Variants in GRB2 observed in about 807,000 individuals in gnomAD.
GRB2 encodes the protein growth factor receptor bound protein 2.
In GRB2, 2 loss-of-function variants were observed where a neutral mutation model predicts 27.4. The observed-to-expected ratio is 0.07, with a 90% CI of 0.03 to 0.23. The LOEUF is 0.23. Ranked by LOEUF, GRB2 falls within the 10% of genes least tolerant of loss-of-function variation. The pLI, the probability that GRB2 is intolerant of heterozygous loss-of-function variation, is 1.00. For synonymous variants in GRB2, 94 were observed against 99.6 expected (o/e 0.94, Z 0.33); for missense variants, 102 against 282.4 (o/e 0.36, Z 4.58).
At position 75,384,926 on chromosome 17, in the gene GRB2, G is replaced by A. The variant is rs890687818; in HGVS notation, c.78+8625C>T. ...GGCTTTATTTACAGAGGCCGGGCGC[G>A]GTAGCTCATGTCGGTAATCCCAGCA... On this transcript the variant is annotated intron_variant, in intron 2 of 5. Coordinates refer to ENST00000316804, the MANE Select transcript of GRB2 (RefSeq NM_002086.5). 5.3e-5 allele frequency among the ~76,000 whole-genome samples: 8 copies of A among 150,390 alleles called. No homozygotes were observed. In the East Asian group the frequency reaches 7.8e-4, roughly 15 times the overall value.
Position 75,320,234 on chromosome 17 carries a change from G to T in GRB2, c.*134C>A. 1.4e-6 allele frequency: 1 copy of T among 698,714 alleles called. No individual in the cohort carries two copies. The highest frequency in any genetic ancestry group is 2.4e-6 in the Non-Finnish European group (1 of 412,308). The allele number at this position is 698,714 out of a possible 1,614,324, so 43.3% of individuals were successfully genotyped here. On this transcript the variant is annotated 3_prime_UTR_variant, in exon 6 of 6. Transcript: ENST00000316804. This position sits in a 1 kb window ranked among gnomAD's most constrained non-coding sequence, Gnocchi z 4.3. ...CACCCCCTAAAGTTCCAACCAAAGT[G>T]AGAGGGTCACAGGGTGACCCGGCCA...
At chr17:75,359,523 A>AAT (rs1478209311) in intron 2 of GRB2, among the ~76,000 whole-genome samples, 151 of 83,272 alleles carry the variant, frequency 1.8e-3, no homozygotes, top group African/African-American at 5.2e-3. Flanking sequence ...TAATAATAAT[A>AAT]AATAATAATA....
intron 2 of GRB2, among the ~76,000 whole-genome samples, chr17:75,368,874 C>T (rs1375462036): frequency 1.3e-5 from 2 of 152,156 alleles, no homozygotes; most frequent in African/African-American, 4.8e-5. Context: ...TTTCCACTAA[C>T]ATACTCCATC....
At chr17:75,354,515 C>T (rs190457594) in intron 2 of GRB2, among the ~76,000 whole-genome samples, 20 of 152,230 alleles carry the variant, frequency 1.3e-4, no homozygotes, top group East Asian at 9.7e-4. Flanking sequence ...ACTGCTCACG[C>T]GAGGGATCTA....
chr17:75,361,667 G>T (rs142520669), intron 2 of GRB2, among the ~76,000 whole-genome samples: 1 of 152,130 alleles, frequency 6.6e-6, no homozygotes, highest in South Asian at 2.1e-4. Context: ...GGGAGACGGT[G>T]ATGCATGCAG....
At chr17:75,404,943 CA>C (rs2079089175) in intron 1 of GRB2, 1 of 141,166 alleles carries the variant, frequency 7.1e-6, no homozygotes, top group Non-Finnish European at 1.6e-5. Context: ...TTTTTCTTGA[CA>C]AATATTTTTC....
intron 2 of GRB2, among the ~76,000 whole-genome samples, chr17:75,349,508 C>CAT (rs2078675598): frequency 8.6e-6 from 1 of 115,910 alleles, no homozygotes; most frequent in Non-Finnish European, 1.7e-5. Flanking sequence ...ATAACTCAGA[C>CAT]TTTTTTTTTT....
At chr17:75,328,940 A>AAAT (rs1567857331) in intron 3 of GRB2, among the ~76,000 whole-genome samples, 70 of 147,124 alleles carry the variant, frequency 4.8e-4, no homozygotes, top group Non-Finnish European at 7.6e-4. Context: ...TCGCTTTCAA[A>AAAT]AAATAAATAA....
chr17:75,343,107 G>A (rs2078632600), intron 2 of GRB2, among the ~76,000 whole-genome samples: 1 of 150,464 alleles, frequency 6.6e-6, no homozygotes, highest in African/African-American at 2.4e-5. Context: ...GTAGAGCAGG[G>A]AACTTTCAGT....
At chr17:75,321,539 C>T (rs934194368) in intron 5 of GRB2, 120 bp downstream of exon 5, 29 of 846,122 alleles carry the variant, frequency 3.4e-5, no homozygotes, top group Non-Finnish European at 4.9e-5. Flanking sequence ...ACAGAAGCCC[C>T]AGCGGCAATC....
chr17:75,322,877 T>C (rs2078470048), intron 4 of GRB2, among the ~76,000 whole-genome samples: 1 of 152,094 alleles, frequency 6.6e-6, no homozygotes, highest in South Asian at 2.1e-4. Flanking sequence ...CCCAGCACTT[T>C]GGGAGGCCGA....
At chr17:75,353,466 A>AG (rs1598233320) in intron 2 of GRB2, among the ~76,000 whole-genome samples, 1 of 151,308 alleles carries the variant, frequency 6.6e-6, no homozygotes, top group East Asian at 2.0e-4. Flanking sequence ...ATGCCCTTAA[A>AG]AAAAAAACCA....
At chr17:75,398,836 C>A (rs1439163839) in intron 1 of GRB2, among the ~76,000 whole-genome samples, 1 of 152,144 alleles carries the variant, frequency 6.6e-6, no homozygotes, top group Non-Finnish European at 1.5e-5. Flanking sequence ...CAACCTCCAC[C>A]TCCTGGGTTC....
chr17:75,337,901 C>CTACTACTACTACTAT (rs1375563317), intron 2 of GRB2, among the ~76,000 whole-genome samples: 130 of 117,364 alleles, frequency 1.1e-3, no homozygotes, highest in Middle Eastern at 4.4e-3. Flanking sequence ...ACTACTACTA[C>CTACTACTACTACTAT]TATTATTATT....
chr17:75,331,978 A>G (rs2078544185), intron 3 of GRB2, among the ~76,000 whole-genome samples: 1 of 152,176 alleles, frequency 6.6e-6, no homozygotes, highest in South Asian at 2.1e-4. Context: ...ACAATGTCCA[A>G]GGGCATTCTA....
chr17:75,342,035 T>C (rs2078624932), intron 2 of GRB2, among the ~76,000 whole-genome samples: 1 of 152,158 alleles, frequency 6.6e-6, no homozygotes, highest in Non-Finnish European at 1.5e-5. Flanking sequence ...AAACACACTG[T>C]ACTCCTCCCC....
chr17:75,386,402 G>A (rs1027355553), intron 2 of GRB2, among the ~76,000 whole-genome samples: 6 of 152,212 alleles, frequency 3.9e-5, no homozygotes, highest in East Asian at 1.9e-4. Flanking sequence ...ATAGGCATGA[G>A]CCACTGCGCT....
At chr17:75,335,621 C>CT (rs1164521666) in intron 2 of GRB2, among the ~76,000 whole-genome samples, 1 of 152,174 alleles carries the variant, frequency 6.6e-6, no homozygotes, top group Non-Finnish European at 1.5e-5. Flanking sequence ...TTACCACACT[C>CT]TGACTGCAGG....
intron 3 of GRB2, among the ~76,000 whole-genome samples, chr17:75,332,015 CCT>C (rs1301712614): frequency 2.6e-5 from 4 of 152,230 alleles, no homozygotes; most frequent in African/African-American, 7.2e-5. Flanking sequence ...CCTCAGCTCC[CCT>C]GACACACTTG....
Sources: gnomAD v4.1 joint callset for allele counts (sites outside exome capture counted in the v4.1 genomes callset) on GRCh38, gnomAD v4.1.1 for gene constraint, Gnocchi (gnomAD v3.1) non-coding constraint, MANE v1.5 for transcripts, NCBI Gene and HGNC (gene_info 2026-07-23, HGNC 2026-07-21) for gene names.